EFCAB13: variants seen among roughly 807,000 people sequenced by gnomAD.
EFCAB13 encodes the protein EF-hand calcium binding domain 13, also known as EF-hand calcium-binding domain-containing protein 13.
A neutral mutation model predicts 110.2 loss-of-function variants in EFCAB13; 91 were observed. That is an observed-to-expected ratio of 0.83 (90% CI 0.70 to 0.98). The LOEUF is 0.98. Among genes scored for constraint, EFCAB13 ranks in the 50% least tolerant of loss-of-function variants. EFCAB13 has a pLI of 0.00. For missense variants in EFCAB13, 968 were observed against 1,119.4 expected (o/e 0.86, Z 1.93); for synonymous variants, 323 against 369.9 (o/e 0.87, Z 1.45).
At chr17:47,424,062 G>C (rs1421594902) in intron 23 of EFCAB13, among the ~76,000 whole-genome samples, 1 of 152,186 alleles carries the variant, frequency 6.6e-6, no homozygotes, top group Admixed American at 6.5e-5. Context: ...CGCGCTCGGG[G>C]TCCCCTTCAT....
intron 9 of EFCAB13, among the ~76,000 whole-genome samples, chr17:47,352,672 G>A (rs1013467419): frequency 6.6e-5 from 10 of 152,106 alleles, no homozygotes; most frequent in African/African-American, 2.4e-4. Flanking sequence ...GATTGCTTTG[G>A]GCAGTATGGT....
chr17:47,352,407 T>C (rs921503012), intron 9 of EFCAB13, among the ~76,000 whole-genome samples: 1 of 152,156 alleles, frequency 6.6e-6, no homozygotes, highest in Non-Finnish European at 1.5e-5. Flanking sequence ...GCTATAGATA[T>C]GAAGCTTCAT....
In EFCAB13 at chr17:47,346,871, A is replaced by C. The variant is rs117950593; in HGVS notation, c.518-937A>C. Reference sequence around the variant, plus strand: ...TAGTTGCTGAATTTTCTCACTTCCCATTTCATGGAAATCTGGCTTCCACCT... The same window carrying C: ...TAGTTGCTGAATTTTCTCACTTCCCCTTTCATGGAAATCTGGCTTCCACCT... On this transcript the variant is annotated intron_variant, in intron 8 of 24. Transcript: ENST00000331493. Among the ~76,000 whole-genome samples, 111 of 152,228 alleles carry C rather than the reference A, an allele frequency of 7.3e-4. No homozygotes were observed. The East Asian group carries it at 0.02, about 28-fold the overall frequency.
intron 23 of EFCAB13, among the ~76,000 whole-genome samples, chr17:47,422,364 C>A (rs1904750830): frequency 6.6e-6 from 1 of 152,142 alleles, no homozygotes; most frequent in Non-Finnish European, 1.5e-5. Context: ...TTCTGTTCAA[C>A]CGTGTACTGG....
chr17:47,356,544 A>C (rs191101505), intron 9 of EFCAB13, among the ~76,000 whole-genome samples: 1 of 152,228 alleles, frequency 6.6e-6, no homozygotes, highest in Non-Finnish European at 1.5e-5. Flanking sequence ...GGTACTGGAG[A>C]GTGTCTGCAA....
intron 24 of EFCAB13, among the ~76,000 whole-genome samples, chr17:47,437,720 T>C (rs1043284419): frequency 6.6e-6 from 1 of 152,222 alleles, no homozygotes; most frequent in Non-Finnish European, 1.5e-5. Flanking sequence ...ATTCTGCAGT[T>C]CTGTATCTTT....
chr17:47,393,101 T>TA (rs113866826), intron 15 of EFCAB13, among the ~76,000 whole-genome samples: 13,243 of 148,624 alleles, frequency 0.089, 828 homozygotes, highest in East Asian at 0.35. Context: ...ATGAGATACT[T>TA]AAAAAAAAAA....
chr17:47,407,954 G>A (rs1214072634), intron 20 of EFCAB13, among the ~76,000 whole-genome samples: 1 of 152,096 alleles, frequency 6.6e-6, no homozygotes, highest in Non-Finnish European at 1.5e-5. Context: ...AGGTCTATGT[G>A]TTATATGTGC....
intron 8 of EFCAB13, among the ~76,000 whole-genome samples, chr17:47,346,279 A>G (rs921348239): frequency 1.3e-5 from 2 of 152,124 alleles, no homozygotes; most frequent in Non-Finnish European, 2.9e-5. Flanking sequence ...TAGATGCTTT[A>G]TATAATTGGA....
chr17:47,386,985 C>G (rs1042525129), intron 14 of EFCAB13, among the ~76,000 whole-genome samples: 1 of 151,792 alleles, frequency 6.6e-6, no homozygotes, highest in South Asian at 2.1e-4. Flanking sequence ...CCCAACCAGT[C>G]CCAATGAGAT....
rs939191783 is a variant in EFCAB13, at chr17:47,439,173, T to G, written c.2639-1258T>G. 4.9e-5 allele frequency among the ~76,000 whole-genome samples: 6 copies of G among 122,132 alleles called. No individual in the cohort carries two copies. The East Asian group carries it at 8.6e-4, about 17-fold the overall frequency. The allele number at this position is 122,132 out of a possible 152,430, so 80.1% of individuals were successfully genotyped here. On this transcript the variant is annotated intron_variant, in intron 24 of 24. Coordinates refer to ENST00000331493, the MANE Select transcript of EFCAB13 (RefSeq NM_152347.5). Reference sequence around the variant, plus strand: ...CACCTGAGTTTCCTCTTTGTTTTGTTTTTTTTTTTTTTTTTTTTTTTTAGA... The same window carrying G: ...CACCTGAGTTTCCTCTTTGTTTTGTGTTTTTTTTTTTTTTTTTTTTTTAGA...
intron 23 of EFCAB13, among the ~76,000 whole-genome samples, chr17:47,415,633 T>C (rs974318858): frequency 1.3e-5 from 2 of 152,296 alleles, no homozygotes; most frequent in Middle Eastern, 3.4e-3. Context: ...ATGAATTAAA[T>C]CATGTGTGGA....
chr17:47,403,766 AG>A, intron 18 of EFCAB13, 111 bp from the exon 19 acceptor site: 2 of 907,792 alleles, frequency 2.2e-6, no homozygotes, highest in Non-Finnish European at 3.0e-6. Flanking sequence ...TTTCTCTCTG[AG>A]ATTTCTTATT....
chr17:47,355,451 C>T (rs1042824365), intron 9 of EFCAB13, among the ~76,000 whole-genome samples: 6 of 152,028 alleles, frequency 3.9e-5, no homozygotes, highest in African/African-American at 9.7e-5. Flanking sequence ...AAGTTTCTCT[C>T]GATTATTCCC....
At chr17:47,327,311 C>T (rs1022140488) in intron 3 of EFCAB13, among the ~76,000 whole-genome samples, 9 of 151,920 alleles carry the variant, frequency 5.9e-5, no homozygotes, top group African/African-American at 2.2e-4. Flanking sequence ...ATTATAGGTG[C>T]GTGCCACCAC....
chr17:47,424,863 C>T (rs979584988), intron 23 of EFCAB13, among the ~76,000 whole-genome samples: 14 of 131,156 alleles, frequency 1.1e-4, no homozygotes, highest in Non-Finnish European at 2.3e-4. Flanking sequence ...TTTCTTTCTC[C>T]GGTTGACAAT....
At position 47,374,981 on chromosome 17, in the gene EFCAB13, A is replaced by G; in HGVS notation, c.1372+15A>G. On this transcript the variant is annotated intron_variant, in intron 12 of 24. Coordinates refer to ENST00000331493, the MANE Select transcript of EFCAB13 (RefSeq NM_152347.5). Reference sequence around the variant, plus strand: ...TAGTACTCTGGGTAAGTAAAAATCTAGGTTCTTGAGTTCTTCAGTCATCAC... The same window carrying G: ...TAGTACTCTGGGTAAGTAAAAATCTGGGTTCTTGAGTTCTTCAGTCATCAC... 1 of 1,535,616 alleles carries G rather than the reference A, an allele frequency of 6.5e-7. No homozygotes were observed.
intron 10 of EFCAB13, among the ~76,000 whole-genome samples, chr17:47,370,214 A>G (rs1266937972): frequency 6.6e-6 from 1 of 152,206 alleles, no homozygotes; most frequent in Non-Finnish European, 1.5e-5. Flanking sequence ...ATTTCTTTTG[A>G]TGAAAAACTC....
intron 14 of EFCAB13, among the ~76,000 whole-genome samples, chr17:47,384,158 G>GTT (rs1190644566): frequency 1.7e-5 from 2 of 115,300 alleles, no homozygotes; most frequent in African/African-American, 6.3e-5. Context: ...TTTTTTTTTT[G>GTT]TTTTTTTTTT....
Sources: allele counts gnomAD v4.1 joint callset (sites outside exome capture counted in the v4.1 genomes callset), GRCh38; gene constraint gnomAD v4.1.1; transcripts MANE v1.5; gene names NCBI Gene and HGNC (gene_info 2026-07-23, HGNC 2026-07-21).